The following ACSL3 variants were observed in gnomAD, a reference collection of about 807,000 sequenced individuals.
ACSL3 encodes the protein fatty acid CoA ligase Acsl3.
A neutral mutation model predicts 84.7 loss-of-function variants in ACSL3; 34 were observed. That is an observed-to-expected ratio of 0.40 (90% confidence interval 0.31 to 0.53). The LOEUF (loss-of-function observed/expected upper bound fraction) is 0.53, where lower values mean the gene tolerates loss of function less well. Among genes scored for constraint, ACSL3 ranks in the 20% least tolerant of loss-of-function variants. The probability of loss-of-function intolerance (pLI) is 0.48; values close to 1 mark genes in which losing one functional copy is unlikely to be tolerated. For synonymous variants in ACSL3, 315 were observed against 299.4 expected, an observed-to-expected ratio of 1.05 and a Z score of -0.54; for missense variants, 680 against 873.1, an observed-to-expected ratio of 0.78 and a Z score of 2.79.
intron 8 of ACSL3, 46 bp from the exon 9 acceptor site, chr2:222,922,662 T>G: frequency 6.2e-7 from 1 of 1,609,934 alleles, no homozygotes; most frequent in Non-Finnish European, 8.5e-7. Context: ...ACTTTTGGCA[T>G]AGACGACACC....
intron 13 of ACSL3, 137 bp downstream of exon 13, chr2:222,929,073 C>A: frequency 3.3e-6 from 2 of 612,550 alleles, no homozygotes; most frequent in Non-Finnish European, 5.8e-6. Context: ...TGTTTTATCT[C>A]GAACTATATG....
chr2:222,865,518 A>G (rs1442258026), intron 1 of ACSL3, among the ~76,000 whole-genome samples: 2 of 152,262 alleles, frequency 1.3e-5, no homozygotes, highest in Non-Finnish European at 2.9e-5. Flanking sequence ...AGGAGCTCAC[A>G]GTTCACCACA....
intron 1 of ACSL3, among the ~76,000 whole-genome samples, chr2:222,867,069 G>A (rs1444567842): frequency 1.3e-5 from 2 of 152,012 alleles, no homozygotes; most frequent in East Asian, 1.9e-4. Flanking sequence ...TCCTGACCTC[G>A]TGATCTGCCC....
chr2:222,904,964 G>C (rs1387765614), intron 3 of ACSL3: 1 of 153,122 alleles, frequency 6.5e-6, no homozygotes. Flanking sequence ...GGGGTCTGAG[G>C]TGCTTGCTTT....
chr2:222,904,100 C>T (rs953568838), intron 3 of ACSL3, among the ~76,000 whole-genome samples: 2 of 152,082 alleles, frequency 1.3e-5, no homozygotes, highest in Admixed American at 6.6e-5. Flanking sequence ...GGAGAAACCC[C>T]GTCTCTACTA....
At chr2:222,915,622 T>C (rs1323864198) in intron 4 of ACSL3, among the ~76,000 whole-genome samples, 2 of 152,242 alleles carry the variant, frequency 1.3e-5, no homozygotes, top group African/African-American at 2.4e-5. Flanking sequence ...GAGTTTTTAC[T>C]AATGCATATT....
intron 1 of ACSL3, among the ~76,000 whole-genome samples, chr2:222,863,737 G>C (rs1378894983): frequency 6.6e-6 from 1 of 152,190 alleles, no homozygotes; most frequent in African/African-American, 2.4e-5. Context: ...CATCTTAGGA[G>C]ATCATTTTTT....
At chr2:222,912,558 G>A (rs1328001048) in intron 4 of ACSL3, among the ~76,000 whole-genome samples, 1 of 152,190 alleles carries the variant, frequency 6.6e-6, no homozygotes, top group African/African-American at 2.4e-5. Flanking sequence ...TATTTTTTGA[G>A]TAAGACTTTT....
intron 1 of ACSL3, among the ~76,000 whole-genome samples, chr2:222,863,974 G>GTT (rs373907891): frequency 1.4e-5 from 2 of 146,390 alleles, no homozygotes; most frequent in Admixed American, 6.8e-5. Context: ...CAAATTTAAG[G>GTT]TTTTTTTTTT....
At position 222,936,929 on chromosome 2, in the gene ACSL3, C is replaced by T. The variant is rs114381684; in HGVS notation, c.2005+2242C>T. On this transcript the variant is annotated intron_variant, in intron 16 of 16. Coordinates refer to ENST00000357430, the MANE Select transcript of ACSL3 (RefSeq NM_004457.5). ...TCAGATCTTGTGAGGTCTCACTCAC[C>T]ATCACGAGAACAACATGGAGAAACC... 7.4e-3 allele frequency among the ~76,000 whole-genome samples: 1,131 copies of T among 152,142 alleles called. 22 individuals carry two copies. The highest frequency in any genetic ancestry group is 0.025 in the African/African-American group (1,054 of 41,504).
chr2:222,919,342 G>A, intron 7 of ACSL3, 140 bp downstream of exon 7: 1 of 846,966 alleles, frequency 1.2e-6, no homozygotes, highest in Non-Finnish European at 1.7e-6. Flanking sequence ...GGTCCCTCTA[G>A]GTATACTTTC....
chr2:222,902,016 G>C (rs2106112233), intron 3 of ACSL3, among the ~76,000 whole-genome samples: 1 of 149,098 alleles, frequency 6.7e-6, no homozygotes. Flanking sequence ...AAACCTCAGT[G>C]GTAAACACAA....
chr2:222,916,710 T>C, intron 5 of ACSL3: 1 of 393,800 alleles, frequency 2.5e-6, no homozygotes, highest in Non-Finnish European at 4.4e-6. Context: ...GGCTTGAACC[T>C]CTTCATGGGA....
chr2:222,864,965 G>A (rs1695100925), intron 1 of ACSL3, among the ~76,000 whole-genome samples: 1 of 152,182 alleles, frequency 6.6e-6, no homozygotes, highest in African/African-American at 2.4e-5. Context: ...CAGTCTTTTA[G>A]AAAACTTTGT....
intron 4 of ACSL3, among the ~76,000 whole-genome samples, chr2:222,913,265 TTTC>T (rs371193455): frequency 1.3e-5 from 2 of 152,084 alleles, no homozygotes; most frequent in African/African-American, 4.8e-5. Context: ...TCTTTTCCTC[TTTC>T]TTAATGCCGT....
intron 1 of ACSL3, among the ~76,000 whole-genome samples, chr2:222,876,446 C>A (rs555827346): frequency 6.6e-6 from 1 of 152,212 alleles, no homozygotes. Flanking sequence ...CTCAGCCTCC[C>A]AAGTAGCTGG....
At chr2:222,907,223 G>A (rs745504328) in intron 3 of ACSL3, among the ~76,000 whole-genome samples, 12 of 152,188 alleles carry the variant, frequency 7.9e-5, no homozygotes, top group Non-Finnish European at 1.8e-4. Flanking sequence ...TCTGTGCTTG[G>A]TGTCCTTGGC....
chr2:222,942,561 T>G lies in ACSL3; in HGVS notation c.*907T>G, dbSNP rs1003771882. On this transcript the variant is annotated 3_prime_UTR_variant, in exon 17 of 17. Transcript: ENST00000357430. ...TTCGTTGACTATATGTACATTGAGT[T>G]ATCTATATTTGTAAACAAATTAGTC... is the stretch of plus-strand genomic sequence containing the variant. The G allele has an allele frequency of 2.6e-5, 5 of 195,848 alleles. No homozygotes were observed. The Admixed American group carries it at 3.0e-4, about 12-fold the overall frequency. 12.1% of individuals were successfully genotyped at this position (195,848 alleles called of 1,614,324 possible). A position where few individuals can be genotyped will look rare whatever the true frequency, so the allele number is the denominator to read the frequency against.
chr2:222,918,796 C>G (rs543501604), intron 6 of ACSL3, among the ~76,000 whole-genome samples: 1 of 151,336 alleles, frequency 6.6e-6, no homozygotes, highest in African/African-American at 2.4e-5. Flanking sequence ...GTTTACATGC[C>G]CGTTTTATAA....
Sources: gnomAD v4.1 joint callset for allele counts (sites outside exome capture counted in the v4.1 genomes callset) on GRCh38, gnomAD v4.1.1 for gene constraint, MANE v1.5 for transcripts, NCBI Gene and HGNC (gene_info 2026-07-23, HGNC 2026-07-21) for gene names.